The following MYO15A variants were observed in gnomAD, a reference collection of about 807,000 sequenced individuals.
MYO15A encodes the protein unconventional myosin-XV.
Under a neutral mutation model 394.6 loss-of-function variants are expected in MYO15A, and 308 were observed. The ratio of observed to expected loss-of-function variants is 0.78; its 90% CI spans 0.71 to 0.86. MYO15A has a LOEUF of 0.86. Among genes scored for constraint, MYO15A ranks in the 40% least tolerant of loss-of-function variants. The pLI, the probability that MYO15A is intolerant of heterozygous loss-of-function variation, is 0.00. For synonymous variants in MYO15A, 1,957 were observed against 2,003.8 expected, an observed-to-expected ratio of 0.98 and a Z score of 0.62; for missense variants, 4,606 against 4,799.1, an observed-to-expected ratio of 0.96 and a Z score of 1.19.
Position 18,157,883 on chromosome 17 carries a change from G to A in MYO15A, c.8950G>A (p.Val2984Met). The A allele has an allele frequency of 2.6e-6, 4 of 1,530,712 alleles. No individual in the cohort carries two copies. The highest frequency in any genetic ancestry group is 3.5e-6 in the Non-Finnish European group (4 of 1,145,740). The allele number at this position is 1,530,712 out of a possible 1,614,324, so 94.8% of individuals were successfully genotyped here. Residue 2984 changes from valine (V) to methionine (M), a missense_variant, in exon 51 of 66, where the codon GTG becomes ATG. Around this residue, in one of 2 missense-constraint regions of MYO15A, gnomAD observed 2,776 missense variants for 3,109.3 expected, o/e 0.89. Transcript: ENST00000647165. ...AVASAAAAQE[V>M]GRRREGPPVR... ...GGCCTCTGCAGCCGCTGCACAGGAGGTGGGCCGCAGGAGAGAGGTGAGACC... is the reference window on the plus strand; with the variant it reads ...GGCCTCTGCAGCCGCTGCACAGGAGATGGGCCGCAGGAGAGAGGTGAGACC...
At position 18,139,617 on chromosome 17, in the gene MYO15A, C is replaced by T. The variant is rs565961673; in HGVS notation, c.5211+6C>T. 1.6e-5 allele frequency: 26 copies of T among 1,613,716 alleles called. No individual in the cohort carries two copies. The African/African-American group carries it at 2.9e-4, about 18-fold the overall frequency. ...TCGTACGGAGCCGGACACGGGTAAG[C>T]CTCGCCTCCCACCGCTCTGGCCCTG... On this transcript the variant is annotated splice_donor_region_variant and intron_variant, in intron 19 of 65. Coordinates refer to ENST00000647165, the MANE Select transcript of MYO15A (RefSeq NM_016239.4).
chr17:18,158,859 C>T (rs1163301490), intron 52 of MYO15A, 66 bp from the exon 53 acceptor site: 20 of 1,588,168 alleles, frequency 1.3e-5, no homozygotes, highest in Non-Finnish European at 1.7e-5. Flanking sequence ...GGTTCTTTCC[C>T]ATGTGGAAAA....
At position 18,132,586 on chromosome 17, in the gene MYO15A, T is replaced by G; in HGVS notation, c.4320+20T>G. 6 of 1,596,848 alleles carry G rather than the reference T, an allele frequency of 3.8e-6. No individual in the cohort carries two copies. The highest frequency in any genetic ancestry group is 5.1e-6 in the Non-Finnish European group (6 of 1,170,874). On this transcript the variant is annotated intron_variant, in intron 11 of 65. Coordinates refer to ENST00000647165, the MANE Select transcript of MYO15A (RefSeq NM_016239.4). This position sits in a 1 kb window ranked among gnomAD's most constrained non-coding sequence, Gnocchi z 4.6. ...AACCAGGTGAGTGCCAGCAGGCATC[T>G]GAAGGCCCCTGGCCCTGGTCCTCCC...
At position 18,140,817 on chromosome 17, in the gene MYO15A, G is replaced by A; in HGVS notation, c.5391G>A (p.Lys1797=). The change falls in exon 21 of 66, where the codon AAG becomes AAA. Residue 1797 remains lysine (K), a synonymous_variant. Transcript: ENST00000647165. ...RCNPLFMRCL[K]PNHKKEPGLF... Reference sequence around the variant, plus strand: ...ACCCCTTGTTCATGCGTTGCCTGAAGCCCAACCACAAGAAGGTGAGTGAGA... The same window carrying A: ...ACCCCTTGTTCATGCGTTGCCTGAAACCCAACCACAAGAAGGTGAGTGAGA... 1 of 1,614,124 alleles carries A rather than the reference G, an allele frequency of 6.2e-7. No individual in the cohort carries two copies. Among genetic ancestry groups the A allele is most frequent in the South Asian group, 1.1e-5 (1 of 91,082 alleles).
At chr17:18,139,750 T>C in intron 19 of MYO15A, 139 bp downstream of exon 19, 1 of 992,608 alleles carries the variant, frequency 1.0e-6, no homozygotes, top group Non-Finnish European at 1.5e-6. Flanking sequence ...AAGGGTGGCC[T>C]GGACACCCTG....
rs1567663362 is a variant in MYO15A, at chr17:18,166,261, C to A, written c.9788-100C>A. ...GTGGCTTGTCCGAGGTGATACCTCA[C>A]CTGGGTAGCAGATTGGGGTCTGCAC... On this transcript the variant is annotated intron_variant, in intron 60 of 65. Coordinates refer to ENST00000647165, the MANE Select transcript of MYO15A (RefSeq NM_016239.4). The A allele has an allele frequency of 5.9e-6, 9 of 1,513,742 alleles. No individual in the cohort carries two copies. The East Asian group carries it at 2.1e-4, about 35-fold the overall frequency. 93.8% of individuals were successfully genotyped at this position (1,513,742 alleles called of 1,614,324 possible).
At chr17:18,163,042 A>G (rs572984608) in intron 58 of MYO15A, among the ~76,000 whole-genome samples, 1 of 152,312 alleles carries the variant, frequency 6.6e-6, no homozygotes, top group South Asian at 2.1e-4. Flanking sequence ...AATGGGAGAC[A>G]CAAGCCCTGC....
At chr17:18,139,970 C>T (rs1306217029) in intron 19 of MYO15A, among the ~76,000 whole-genome samples, 1 of 152,226 alleles carries the variant, frequency 6.6e-6, no homozygotes, top group Non-Finnish European at 1.5e-5. Flanking sequence ...GGCTTCTTGC[C>T]AGACCTGTTC....
chr17:18,159,723 T>C lies in MYO15A; in HGVS notation c.9303+44T>C, dbSNP rs1196928371. 3 of 1,601,532 alleles carry C rather than the reference T, an allele frequency of 1.9e-6. No homozygotes were observed. The African/African-American group carries it at 4.0e-5, about 21-fold the overall frequency. ...GCCAGATGCCCCCTTTCCTGCTCTG[T>C]GGTTCAGTTTCCCCATCTATCAATG... On this transcript the variant is annotated intron_variant, in intron 55 of 65. Coordinates refer to ENST00000647165, the MANE Select transcript of MYO15A (RefSeq NM_016239.4).
intron 65 of MYO15A, among the ~76,000 whole-genome samples, chr17:18,175,241 CCTGGTCATTCCTTCTTTGGTTCTTTT>C (rs2046998471): frequency 6.6e-6 from 1 of 150,754 alleles, no homozygotes; most frequent in Non-Finnish European, 1.5e-5. Flanking sequence ...CTTGTGTGAG[CCTGGTCATTCCTTCTTTGGTTCTTTT>C]CTGGTCTTTC....
rs372139040 is a variant in MYO15A, at chr17:18,119,592, C to G, written c.792C>G (p.Leu264=). ...YEEQEPYLAG[L]GPYSPAWPPY... is the part of the protein sequence containing the mutation. Reference sequence around the variant, plus strand: ...AGCAGGAACCCTACCTGGCGGGCCTCGGCCCCTACAGCCCGGCCTGGCCAC... The same window carrying G: ...AGCAGGAACCCTACCTGGCGGGCCTGGGCCCCTACAGCCCGGCCTGGCCAC... The change falls in exon 2 of 66, where the codon CTC becomes CTG. Residue 264 remains leucine, a synonymous_variant. Coordinates refer to ENST00000647165, the MANE Select transcript of MYO15A (RefSeq NM_016239.4). 6.2e-7 allele frequency: 1 copy of G among 1,604,508 alleles called. No homozygotes were observed. Among genetic ancestry groups the G allele is most frequent in the Non-Finnish European group, 8.5e-7 (1 of 1,179,924 alleles).
intron 62 of MYO15A, among the ~76,000 whole-genome samples, chr17:18,169,844 A>G (rs777493392): frequency 1.2e-4 from 19 of 152,066 alleles, no homozygotes; most frequent in Non-Finnish European, 2.4e-4. Flanking sequence ...ACATGCCTGT[A>G]GTCCCAGTAA....
At chr17:18,159,066 T>G in intron 53 of MYO15A, 69 bp downstream of exon 53, 1 of 1,529,802 alleles carries the variant, frequency 6.5e-7, no homozygotes, top group African/African-American at 1.4e-5. Flanking sequence ...CCCAGGCCCC[T>G]GGGGCCAACA....
At chr17:18,143,067 T>A (rs2046410578) in intron 25 of MYO15A, among the ~76,000 whole-genome samples, 2 of 152,216 alleles carry the variant, frequency 1.3e-5, no homozygotes, top group African/African-American at 4.8e-5. Context: ...TTTGGCCTGG[T>A]GCTGGGTTCA....
rs1171952378 is a variant in MYO15A, at chr17:18,121,599, G to T, written c.2799G>T (p.Met933Ile). The T allele has an allele frequency of 6.3e-7, 1 of 1,599,192 alleles. No individual in the cohort carries two copies. The highest frequency in any genetic ancestry group is 8.5e-7 in the Non-Finnish European group (1 of 1,172,348). Reference protein sequence around the residue: ...PPLAPSWDVDMPPTQRPPSPW... With the variant: ...PPLAPSWDVDIPPTQRPPSPW... ...TGGCCCCCAGCTGGGACGTGGACAT[G>T]CCTCCCACCCAACGCCCACCCTCCC... The change falls in exon 2 of 66, where the codon ATG (methionine) becomes ATT (isoleucine). Residue 933 changes from methionine (M) to isoleucine (I), a missense_variant. Met to Ile is a conservative substitution (Grantham distance 10). Coordinates refer to ENST00000647165, the MANE Select transcript of MYO15A (RefSeq NM_016239.4). This position sits in a 1 kb window ranked among gnomAD's most constrained non-coding sequence, Gnocchi z 5.3.
chr17:18,148,295 G>A lies in MYO15A; in HGVS notation c.6691+85G>A, dbSNP rs932901870. 2.0e-5 allele frequency: 31 copies of A among 1,570,068 alleles called. No individual in the cohort carries two copies. Among genetic ancestry groups the A allele is most frequent in the Non-Finnish European group, 2.1e-5 (24 of 1,155,196 alleles). On this transcript the variant is annotated intron_variant, in intron 31 of 65. Transcript: ENST00000647165. This position sits in a 1 kb window ranked among gnomAD's most constrained non-coding sequence, Gnocchi z 4.8. ...CCGGGGATGGCAGAAGCCACTGGAT[G>A]TTCTGGAGCTGGGGAGGGGCCTTCT... is the stretch of plus-strand genomic sequence containing the variant.
At chr17:18,116,932 AG>A (rs774121967) in intron 1 of MYO15A, among the ~76,000 whole-genome samples, 591 of 51,984 alleles carry the variant, frequency 0.011, 7 homozygotes, top group African/African-American at 0.06. Flanking sequence ...AAAAAAAAAA[AG>A]AAAGAAAGAA....
intron 60 of MYO15A, 135 bp downstream of exon 60, chr17:18,163,973 G>A (rs890951362): frequency 1.3e-5 from 11 of 851,096 alleles, no homozygotes; most frequent in Admixed American, 6.0e-5. Flanking sequence ...CCCCCATGTG[G>A]AAGGATCTCT....
chr17:18,135,852 A>G (rs1318163749), intron 13 of MYO15A, 28 bp downstream of exon 13: 34 of 1,596,830 alleles, frequency 2.1e-5, no homozygotes, highest in Non-Finnish European at 2.7e-5. Flanking sequence ...TGGCCTTCGA[A>G]CAAAGCTTTC....
Sources: gnomAD v4.1 joint callset for allele counts (sites outside exome capture counted in the v4.1 genomes callset) on GRCh38, gnomAD v4.1.1 for gene constraint, gnomAD v4.1.1 regional missense constraint, Gnocchi (gnomAD v3.1) non-coding constraint, MANE v1.5 for transcripts, NCBI Gene and HGNC (gene_info 2026-07-23, HGNC 2026-07-21) for gene names.